BOK: variants seen among roughly 807,000 people sequenced by gnomAD.
BOK encodes bcl-2-related ovarian killer protein.
BOK carries 20 observed loss-of-function variants against 18.3 expected under a neutral mutation model. The observed-to-expected ratio is 1.09, with a 90% CI of 0.77 to 1.59. The LOEUF (loss-of-function observed/expected upper bound fraction) is 1.59, where lower values mean the gene tolerates loss of function less well. Ranked by LOEUF, BOK falls within the 40% of genes most tolerant of loss-of-function variation. The pLI is 0.00. For missense variants in BOK, 348 were observed against 307.9 expected (o/e 1.13, Z -0.97); for synonymous variants, 173 against 142.4 (o/e 1.21, Z -1.53).
chr2:241,557,280 T>C (rs1196331713), upstream of BOK, among the ~76,000 whole-genome samples: 1 of 151,480 alleles, frequency 6.6e-6, no homozygotes, highest in Non-Finnish European at 1.5e-5. Flanking sequence ...AGTGGAAGCT[T>C]AGAGCAGTAA....
rs376190814 is a variant in BOK, at chr2:241,571,304, G to A, written c.514-993G>A. On this transcript the variant is annotated intron_variant, in intron 4 of 4. Coordinates refer to ENST00000318407, the MANE Select transcript of BOK (RefSeq NM_032515.5). Reference sequence around the variant, plus strand: ...CGCCCCCAACTTCCTGCCCTGCTCCGGCCAGACCGCAGTTGCCGCTGGGCC... The same window carrying A: ...CGCCCCCAACTTCCTGCCCTGCTCCAGCCAGACCGCAGTTGCCGCTGGGCC... Among the ~76,000 whole-genome samples the A allele has an allele frequency of 2.6e-4, 38 of 147,712 alleles. 2 individuals carry two copies. In the South Asian group the frequency reaches 6.6e-3, roughly 26 times the overall value.
intron 3 of BOK, among the ~76,000 whole-genome samples, chr2:241,565,261 T>C (rs973371751): frequency 3.5e-4 from 37 of 106,752 alleles, no homozygotes; most frequent in Non-Finnish European, 5.0e-4. Context: ...CACCCCCACC[T>C]GCTGCTACTC....
Position 241,559,386 on chromosome 2 carries a change from G to C in BOK, c.-29-69G>C, listed in dbSNP as rs1301853809. On this transcript the variant is annotated intron_variant, in intron 1 of 4. Coordinates refer to ENST00000318407, the MANE Select transcript of BOK (RefSeq NM_032515.5). The stretch of plus-strand genomic sequence containing the variant: ...CGGCCCTTCCCGAGGGCCACGCCCA[G>C]CCCGGCGCCCCGCGCGCCCCGTTCC... 5 of 1,048,836 alleles carry C rather than the reference G, an allele frequency of 4.8e-6. No homozygotes were observed. In the African/African-American group the frequency reaches 6.7e-5, roughly 14 times the overall value. The allele number at this position is 1,048,836 out of a possible 1,614,324, so 65.0% of individuals were successfully genotyped here.
intron 3 of BOK, among the ~76,000 whole-genome samples, chr2:241,564,902 G>A (rs1037436615): frequency 6.6e-6 from 1 of 152,196 alleles, no homozygotes; most frequent in Admixed American, 6.5e-5. Context: ...CTCCCCCTTC[G>A]GCAGGGAGAG....
At chr2:241,564,503 A>T (rs2066580234) in intron 3 of BOK, among the ~76,000 whole-genome samples, 1 of 143,236 alleles carries the variant, frequency 7.0e-6, no homozygotes, top group Non-Finnish European at 1.5e-5. Flanking sequence ...CATGGGGCAG[A>T]CCTGAGTCGG....
chr2:241,566,174 C>G (rs566769461), intron 3 of BOK, among the ~76,000 whole-genome samples: 2 of 151,994 alleles, frequency 1.3e-5, no homozygotes, highest in Non-Finnish European at 2.9e-5. Flanking sequence ...ATCTCAGCTA[C>G]TCGGGAGGCT....
At chr2:241,560,364 C>A (rs1321783748) in intron 2 of BOK, 3 of 896,012 alleles carry the variant, frequency 3.3e-6, no homozygotes, top group East Asian at 1.2e-4. Context: ...ATGTGATGCC[C>A]GAAGAGGGCA....
At chr2:241,566,392 G>C (rs1333946411) in intron 3 of BOK, among the ~76,000 whole-genome samples, 1 of 150,124 alleles carries the variant, frequency 6.7e-6, no homozygotes, top group Non-Finnish European at 1.5e-5. Flanking sequence ...TCCATTTCCT[G>C]GGTTCAAGCA....
intron 1 of BOK, chr2:241,551,501 T>C: frequency 6.6e-6 from 1 of 152,174 alleles, no homozygotes; most frequent in East Asian, 1.9e-4. Flanking sequence ...CGTTGCTTCA[T>C]GAAGAAGTAG....
chr2:241,559,493 C>T lies in BOK; in HGVS notation c.10C>T (p.Leu4=), dbSNP rs760213746. 43 of 1,480,216 alleles carry T rather than the reference C, an allele frequency of 2.9e-5. No homozygotes were observed. Among genetic ancestry groups the T allele is most frequent in the African/African-American group, 1.3e-4 (9 of 68,704 alleles). 91.7% of individuals were successfully genotyped at this position (1,480,216 alleles called of 1,614,324 possible). Residue 4 remains leucine (L), a synonymous_variant, in exon 2 of 5, where the codon CTG becomes TTG. Transcript: ENST00000318407. The part of the protein sequence containing the change: MEV[L]RRSSVFAAEI... ...CACCCGCGTCGCCGCCATGGAGGTG[C>T]TGCGGCGCTCCTCGGTCTTCGCCGC...
upstream of BOK, among the ~76,000 whole-genome samples, chr2:241,555,668 C>G (rs561472365): frequency 2.0e-5 from 3 of 152,218 alleles, no homozygotes; most frequent in Non-Finnish European, 4.4e-5. Flanking sequence ...TGAGCCACCA[C>G]GCCTGGCACA....
At chr2:241,554,649 A>G (rs2066437751), upstream of BOK, among the ~76,000 whole-genome samples, 1 of 152,166 alleles carries the variant, frequency 6.6e-6, no homozygotes, top group Admixed American at 6.5e-5. Context: ...ACTTTTTTCC[A>G]CTGGCAAAGC....
Position 241,559,601 on chromosome 2 carries a change from C to G in BOK, c.118C>G (p.His40Asp). 6.7e-7 allele frequency: 1 copy of G among 1,490,830 alleles called. No individual in the cohort carries two copies. Among genetic ancestry groups the G allele is most frequent in the East Asian group, 2.8e-5 (1 of 35,122 alleles). 92.4% of individuals were successfully genotyped at this position (1,490,830 alleles called of 1,614,324 possible). Reference protein sequence around the residue: ...QAKALGREYVHARLLRAGLSW... With the variant: ...QAKALGREYVDARLLRAGLSW... ...CAAGGCGCTGGGCCGGGAGTACGTG[C>G]ACGCGCGGCTGCTGCGCGCCGGCCT... Residue 40 changes from histidine to aspartate, a missense_variant, in exon 2 of 5, where the codon CAC becomes GAC. Coordinates refer to ENST00000318407, the MANE Select transcript of BOK (RefSeq NM_032515.5).
chr2:241,562,605 CACT>C lies in BOK; in HGVS notation c.349+130_349+132del. Reference sequence around the variant, plus strand: ...TGCCCAGTGCCCACCGGTGCCATCTCACTGCTGCAGGTGTCAGGAGCTGCCCAG... The same window carrying C: ...TGCCCAGTGCCCACCGGTGCCATCTCGCTGCAGGTGTCAGGAGCTGCCCAG... On this transcript the variant is annotated intron_variant, in intron 3 of 4. Transcript: ENST00000318407. The surrounding 1 kb of genome is among the most constrained non-coding windows in gnomAD (Gnocchi z 4.5). 8.0e-7 allele frequency: 1 copy of C among 1,254,006 alleles called. No individual in the cohort carries two copies. The highest frequency in any genetic ancestry group is 1.1e-6 in the Non-Finnish European group (1 of 940,780). The allele number at this position is 1,254,006 out of a possible 1,614,324, so 77.7% of individuals were successfully genotyped here. A position where few individuals can be genotyped will look rare whatever the true frequency, so the allele number is the denominator to read the frequency against.
Position 241,572,611 on chromosome 2 carries a change from C to T in BOK, c.*189C>T, listed in dbSNP as rs977903484. On this transcript the variant is annotated 3_prime_UTR_variant, in exon 5 of 5. Transcript: ENST00000318407. ...GTGAGTGGGGAGGGGCTTTCCTGAG[C>T]CTGGAGCTGGGCTTTGGGGCAGCCT... 6 of 862,614 alleles carry T rather than the reference C, an allele frequency of 7.0e-6. No individual in the cohort carries two copies. Among genetic ancestry groups the T allele is most frequent in the African/African-American group, 1.7e-5 (1 of 58,692 alleles). The allele number at this position is 862,614 out of a possible 1,614,324, so 53.4% of individuals were successfully genotyped here. A position where few individuals can be genotyped will look rare whatever the true frequency, so the allele number is the denominator to read the frequency against.
Position 241,572,756 on chromosome 2 carries a change from C to G in BOK, c.*334C>G, listed in dbSNP as rs945175739. 1 of 337,748 alleles carries G rather than the reference C, an allele frequency of 3.0e-6. No individual in the cohort carries two copies. The highest frequency in any genetic ancestry group is 3.8e-5 in the South Asian group (1 of 26,032). The allele number at this position is 337,748 out of a possible 1,614,324, so 20.9% of individuals were successfully genotyped here. ...GATGCAGGGGCCCAGAACACCTGCT[C>G]TCACCTGAGCCCCAGGTGAAGGGGC... On this transcript the variant is annotated 3_prime_UTR_variant, in exon 5 of 5. Transcript: ENST00000318407.
chr2:241,562,261 G>T lies in BOK; in HGVS notation c.221-87G>T. On this transcript the variant is annotated intron_variant, in intron 2 of 4. Coordinates refer to ENST00000318407, the MANE Select transcript of BOK (RefSeq NM_032515.5). This position sits in a 1 kb window ranked among gnomAD's most constrained non-coding sequence, Gnocchi z 4.5. ...TGGAATTCAAGCATGGTCAGGTGGG[G>T]GTCAGGTGCAGGGTGTGCCCCAAGC... 1 of 1,469,752 alleles carries T rather than the reference G, an allele frequency of 6.8e-7. No homozygotes were observed. Among genetic ancestry groups the T allele is most frequent in the South Asian group, 1.3e-5 (1 of 74,526 alleles). 91.0% of individuals were successfully genotyped at this position (1,469,752 alleles called of 1,614,324 possible).
intron 3 of BOK, among the ~76,000 whole-genome samples, chr2:241,567,975 C>T (rs559018259): frequency 1.2e-4 from 18 of 152,234 alleles, no homozygotes; most frequent in East Asian, 9.7e-4. Context: ...CGTGAGCCTG[C>T]GTCCCAGCTC....
intron 3 of BOK, among the ~76,000 whole-genome samples, chr2:241,564,549 C>A (rs2066581307): frequency 6.8e-6 from 1 of 146,458 alleles, no homozygotes; most frequent in African/African-American, 2.6e-5. Context: ...GGGGAGTGGG[C>A]AGGTGGTGTG....
Sources: gnomAD v4.1 joint callset for allele counts (sites outside exome capture counted in the v4.1 genomes callset) on GRCh38, gnomAD v4.1.1 for gene constraint, Gnocchi (gnomAD v3.1) non-coding constraint, MANE v1.5 for transcripts, NCBI Gene and HGNC (gene_info 2026-07-23, HGNC 2026-07-21) for gene names.